Variants in SPIN1 observed in about 807,000 individuals in gnomAD.
The protein encoded by SPIN1 is spindlin 1.
In SPIN1, 3 loss-of-function variants were observed where a neutral mutation model predicts 26.0. The observed-to-expected ratio is 0.12, with a 90% CI of 0.05 to 0.30. SPIN1 has a LOEUF of 0.30. SPIN1 is among the 10% of genes least tolerant of loss of function. SPIN1 has a pLI of 1.00. For synonymous variants in SPIN1, 101 were observed against 116.5 expected, an observed-to-expected ratio of 0.87 and a Z score of 0.86; for missense variants, 126 against 333.4, an observed-to-expected ratio of 0.38 and a Z score of 4.84.
At chr9:88,451,213 G>A (rs907123234) in intron 3 of SPIN1, among the ~76,000 whole-genome samples, 2 of 152,128 alleles carry the variant, frequency 1.3e-5, no homozygotes, top group African/African-American at 2.4e-5. Flanking sequence ...TTGACACTGG[G>A]GCTCAATGAC....
At chr9:88,454,707 T>A (rs1050812676) in intron 3 of SPIN1, among the ~76,000 whole-genome samples, 1 of 152,180 alleles carries the variant, frequency 6.6e-6, no homozygotes, top group African/African-American at 2.4e-5. Flanking sequence ...TAAACCTGTC[T>A]TAAGTAGGTA....
intron 2 of SPIN1, among the ~76,000 whole-genome samples, chr9:88,428,537 T>G (rs549166880): frequency 6.6e-6 from 1 of 152,372 alleles, no homozygotes; most frequent in South Asian, 2.1e-4. Context: ...CTGTGAACAT[T>G]GCTATTTTCT....
intron 1 of SPIN1, among the ~76,000 whole-genome samples, chr9:88,392,139 T>C (rs1227397265): frequency 5.9e-5 from 9 of 152,200 alleles, no homozygotes; most frequent in Non-Finnish European, 1.0e-4. Context: ...CCAGTAGATG[T>C]TGATTTCCTT....
At chr9:88,432,747 A>G (rs1002660805) in intron 2 of SPIN1, among the ~76,000 whole-genome samples, 1 of 151,818 alleles carries the variant, frequency 6.6e-6, no homozygotes, top group African/African-American at 2.4e-5. Context: ...TTGACCTTCC[A>G]AAGTGTTGGG....
intron 3 of SPIN1, among the ~76,000 whole-genome samples, chr9:88,454,970 C>G (rs1828441149): frequency 6.6e-6 from 1 of 152,106 alleles, no homozygotes; most frequent in Non-Finnish European, 1.5e-5. Context: ...AGAAATTGGA[C>G]AGAAATAGTA....
At position 88,477,442 on chromosome 9, in the gene SPIN1, C is replaced by T. The variant is rs1267291193; in HGVS notation, c.*2165C>T. On this transcript the variant is annotated 3_prime_UTR_variant, in exon 6 of 6. Coordinates refer to ENST00000375859, the MANE Select transcript of SPIN1 (RefSeq NM_006717.3). The stretch of plus-strand genomic sequence containing the variant: ...ACTTTTTTTATACCACATGGTCTCC[C>T]AGTTTCTAGATGAATGCAACATGAT... 6.6e-6 allele frequency: 1 copy of T among 152,146 alleles called. No homozygotes were observed. The highest frequency in any genetic ancestry group is 2.4e-5 in the African/African-American group (1 of 41,432). 9.4% of individuals were successfully genotyped at this position (152,146 alleles called of 1,614,324 possible).
chr9:88,411,953 C>T (rs967955948), intron 1 of SPIN1, among the ~76,000 whole-genome samples: 7 of 151,290 alleles, frequency 4.6e-5, no homozygotes, highest in East Asian at 3.9e-4. Flanking sequence ...GGGCAGATCA[C>T]GAGGTCAGGA....
intron 1 of SPIN1, among the ~76,000 whole-genome samples, chr9:88,403,070 A>G (rs746878677): frequency 4.6e-5 from 7 of 152,040 alleles, no homozygotes; most frequent in Non-Finnish European, 7.4e-5. Flanking sequence ...GCATTTTTTC[A>G]TATATCATTT....
intron 1 of SPIN1, among the ~76,000 whole-genome samples, chr9:88,402,242 C>T (rs1296097693): frequency 1.3e-5 from 2 of 152,190 alleles, no homozygotes; most frequent in Admixed American, 6.5e-5. Flanking sequence ...ATCCGCCTGC[C>T]TCAGCCTCCC....
At chr9:88,439,052 A>G (rs1206088960) in intron 2 of SPIN1, among the ~76,000 whole-genome samples, 5 of 152,160 alleles carry the variant, frequency 3.3e-5, no homozygotes, top group African/African-American at 4.8e-5. Flanking sequence ...ACTGCTTCTG[A>G]TATTTTTTTC....
chr9:88,391,688 C>G (rs991468114), intron 1 of SPIN1: 2 of 152,074 alleles, frequency 1.3e-5, no homozygotes, highest in African/African-American at 4.8e-5. Context: ...GAATTTGGTA[C>G]TAGGGTTGAA....
At chr9:88,462,778 T>C (rs975142472) in intron 4 of SPIN1, 29 bp downstream of exon 4, 9 of 1,561,746 alleles carry the variant, frequency 5.8e-6, no homozygotes, top group Non-Finnish European at 7.8e-6. Context: ...TTGTGCATTA[T>C]ATACTTTAAA....
Position 88,394,256 on chromosome 9 carries a change from A to G in SPIN1, c.-159+5718A>G, listed in dbSNP as rs373664234. Among the ~76,000 whole-genome samples the G allele has an allele frequency of 2.8e-4, 43 of 152,314 alleles. No homozygotes were observed. In the East Asian group the frequency reaches 5.2e-3, roughly 18 times the overall value. ...TCTCTTTCCTTTGACATGACACGTA[A>G]TCTCTGAAGCTTTTCTTGCTTTCTG... is the stretch of plus-strand genomic sequence containing the variant. On this transcript the variant is annotated intron_variant, in intron 1 of 5. Coordinates refer to ENST00000375859, the MANE Select transcript of SPIN1 (RefSeq NM_006717.3).
chr9:88,427,056 A>G (rs1827777230), intron 2 of SPIN1, among the ~76,000 whole-genome samples: 1 of 152,204 alleles, frequency 6.6e-6, no homozygotes, highest in East Asian at 1.9e-4. Flanking sequence ...AGCTAGTATA[A>G]CTTGAATAGA....
chr9:88,418,611 C>T (rs1196297655), intron 1 of SPIN1, among the ~76,000 whole-genome samples: 2 of 152,180 alleles, frequency 1.3e-5, no homozygotes, highest in Non-Finnish European at 2.9e-5. Flanking sequence ...GTGGTAGCAG[C>T]AGGCAACAAA....
In SPIN1 at chr9:88,448,966, G is replaced by T. The variant is rs1278070223; in HGVS notation, c.78G>T (p.Met26Ile). 6.2e-7 allele frequency: 1 copy of T among 1,612,750 alleles called. No individual in the cohort carries two copies. Residue 26 changes from methionine to isoleucine, a missense_variant, in exon 3 of 6, where the codon ATG becomes ATT. Physicochemically the swap from Met to Ile is conservative, Grantham distance 10 (BLOSUM62 1). Coordinates refer to ENST00000375859, the MANE Select transcript of SPIN1 (RefSeq NM_006717.3). The part of the protein sequence containing the change: ...DAGHAGVSAN[M>I]MKKRTSHKKH... ...GCCATGCTGGAGTATCTGCCAACAT[G>T]ATGAAGAAGAGGACATCCCACAAGT...
intron 2 of SPIN1, among the ~76,000 whole-genome samples, chr9:88,435,454 G>T (rs1827981468): frequency 1.3e-5 from 2 of 152,130 alleles, no homozygotes; most frequent in African/African-American, 4.8e-5. Context: ...GGGCCATGGT[G>T]CCAGCCCCAT....
intron 3 of SPIN1, among the ~76,000 whole-genome samples, chr9:88,455,478 T>C (rs1251753585): frequency 1.3e-5 from 2 of 152,200 alleles, no homozygotes; most frequent in African/African-American, 4.8e-5. Context: ...TTGTGTTTTA[T>C]GTGGCTGCAA....
At chr9:88,456,242 G>A (rs1002321642) in intron 3 of SPIN1, among the ~76,000 whole-genome samples, 1 of 150,276 alleles carries the variant, frequency 6.7e-6, no homozygotes, top group African/African-American at 2.4e-5. Flanking sequence ...ATCATAATTT[G>A]TACTAAAATT....
Sources: gnomAD v4.1 joint callset for allele counts (sites outside exome capture counted in the v4.1 genomes callset) on GRCh38, gnomAD v4.1.1 for gene constraint, MANE v1.5 for transcripts, NCBI Gene and HGNC (gene_info 2026-07-23, HGNC 2026-07-21) for gene names.